LTBP2: variants seen among roughly 807,000 people sequenced by gnomAD.
LTBP2 encodes latent transforming growth factor beta binding protein 2.
Under a neutral mutation model 210.6 loss-of-function variants are expected in LTBP2, and 103 were observed. That is an observed-to-expected ratio of 0.49 (90% CI 0.42 to 0.58). The LOEUF is 0.58. Ranked by LOEUF, LTBP2 falls within the 20% of genes least tolerant of loss-of-function variation. The probability of loss-of-function intolerance (pLI) is 0.00; values close to 1 mark genes in which losing one functional copy is unlikely to be tolerated. For missense variants in LTBP2, 2,313 were observed against 2,494.5 expected (o/e 0.93, Z 1.55); for synonymous variants, 1,007 against 1,015.0 (o/e 0.99, Z 0.15).
intron 16 of LTBP2, among the ~76,000 whole-genome samples, chr14:74,522,419 G>A (rs532425747): frequency 3.9e-5 from 6 of 152,202 alleles, no homozygotes; most frequent in South Asian, 2.1e-4. Flanking sequence ...CTCCCCCTAC[G>A]GATGACCCTG....
chr14:74,543,377 C>CA (rs71119305), intron 8 of LTBP2, among the ~76,000 whole-genome samples: 77,035 of 96,610 alleles, frequency 0.8, 32,021 homozygotes, highest in Non-Finnish European at 0.9. Context: ...GACTCCGTCT[C>CA]AAAAAAAAAA....
At chr14:74,527,411 G>A (rs2087287752) in intron 12 of LTBP2, 45 bp from the exon 13 acceptor site, 3 of 1,593,764 alleles carry the variant, frequency 1.9e-6, no homozygotes, top group African/African-American at 2.7e-5. Flanking sequence ...GGAGGGTCTG[G>A]CTGCCTTCTC....
intron 2 of LTBP2, among the ~76,000 whole-genome samples, chr14:74,598,979 G>A (rs375015155): frequency 6.6e-6 from 1 of 152,098 alleles, no homozygotes; most frequent in African/African-American, 2.4e-5. Flanking sequence ...TTGTAAATGG[G>A]GATAAAAAAT....
chr14:74,521,371 C>G (rs1469511102), intron 17 of LTBP2, among the ~76,000 whole-genome samples: 3 of 152,188 alleles, frequency 2.0e-5, no homozygotes, highest in Non-Finnish European at 4.4e-5. Context: ...TGTTTTGCAT[C>G]ATTAAAGGGT....
rs767338591 is a variant in LTBP2, at chr14:74,555,638, G to A, written c.886C>T (p.Arg296Cys). The change falls in exon 4 of 36, where the codon CGC becomes TGC. Residue 296 changes from arginine to cysteine, a missense_variant. Physicochemically the swap from Arg to Cys is radical, Grantham distance 180. Coordinates refer to ENST00000261978, the MANE Select transcript of LTBP2 (RefSeq NM_000428.3). ...GCAGTCGGGTGAAGTCGGACAGTGC[G>A]GGACAACCCCACGTGCTGCTGGGAA... ...HPSQQHVGLSRTVRLHPTATA... is the reference protein window; with the variant it reads ...HPSQQHVGLSCTVRLHPTATA... 5.6e-6 allele frequency: 9 copies of A among 1,595,230 alleles called. No individual in the cohort carries two copies. The highest frequency in any genetic ancestry group is 5.1e-5 in the Admixed American group (3 of 58,680).
At chr14:74,540,561 C>A (rs1291243027) in intron 8 of LTBP2, among the ~76,000 whole-genome samples, 1 of 150,588 alleles carries the variant, frequency 6.6e-6, no homozygotes, top group East Asian at 2.0e-4. Flanking sequence ...GTCAGGAGAT[C>A]GAGACCATCC....
intron 17 of LTBP2, among the ~76,000 whole-genome samples, chr14:74,518,401 C>A (rs1037867354): frequency 6.6e-6 from 1 of 152,150 alleles, no homozygotes; most frequent in Non-Finnish European, 1.5e-5. Flanking sequence ...GCCGCCCGCA[C>A]CTCTCCTACC....
In LTBP2 at chr14:74,503,539, G is replaced by T. The variant is rs370997941; in HGVS notation, c.4650C>A (p.His1550Gln). 4 of 1,613,732 alleles carry T rather than the reference G, an allele frequency of 2.5e-6. No individual in the cohort carries two copies. The highest frequency in any genetic ancestry group is 2.7e-5 in the African/African-American group (2 of 74,942). Residue 1550 changes from histidine to glutamine, a missense_variant, in exon 32 of 36, where the codon CAC becomes CAA. Coordinates refer to ENST00000261978, the MANE Select transcript of LTBP2 (RefSeq NM_000428.3). ...GECVNTEGSF[H>Q]CFCSPPLTLD... is the part of the protein sequence containing the mutation. ...GGGTGAGCGGGGGGCTGCAGAAGCAGTGGAAGGAGCCCTCCGTGTTGACGC... is the reference window on the plus strand; with the variant it reads ...GGGTGAGCGGGGGGCTGCAGAAGCATTGGAAGGAGCCCTCCGTGTTGACGC...
Position 74,568,929 on chromosome 14 carries a change from G to T in LTBP2, c.831-13236C>A, listed in dbSNP as rs574634076. 1.1e-3 allele frequency among the ~76,000 whole-genome samples: 175 copies of T among 152,226 alleles called. 1 individual carries two copies. Among genetic ancestry groups the T allele is most frequent in the Non-Finnish European group, 1.5e-3 (101 of 68,010 alleles). On this transcript the variant is annotated intron_variant, in intron 3 of 35. Coordinates refer to ENST00000261978, the MANE Select transcript of LTBP2 (RefSeq NM_000428.3). ...AGTGTTTTCACCAGAAAGTAACAAG[G>T]TTAAAAATAGTCATGGAAAACTCCC...
At position 74,505,079 on chromosome 14, in the gene LTBP2, T is replaced by C. The variant is rs376247274; in HGVS notation, c.4273A>G (p.Ser1425Gly). 9.9e-6 allele frequency: 16 copies of C among 1,614,030 alleles called. No individual in the cohort carries two copies. The African/African-American group carries it at 1.6e-4, about 16-fold the overall frequency. The change falls in exon 29 of 36, where the codon AGT becomes GGT. Residue 1425 changes from serine to glycine, a missense_variant. By Grantham distance (56) the Ser-to-Gly change is moderately conservative (BLOSUM62 0). This residue lies in a region of LTBP2 where 1,867 missense variants were observed against 1,976.9 expected (regional missense o/e 0.94). Coordinates refer to ENST00000261978, the MANE Select transcript of LTBP2 (RefSeq NM_000428.3). ...TGTGTGGTGTTCCGGCCCAGGACAC[T>C]GGAGCAGGGCGCATGGCCCTTCTGC... ...SGQKGHAPCS[S>G]VLGRNTTQAE...
In LTBP2 at chr14:74,527,441, G is replaced by A. The variant is rs1015656310; in HGVS notation, c.2369-75C>T. 4.2e-5 allele frequency: 65 copies of A among 1,535,956 alleles called. 2 individuals carry two copies. The South Asian group carries it at 5.7e-4, about 13-fold the overall frequency. On this transcript the variant is annotated intron_variant, in intron 12 of 35. Coordinates refer to ENST00000261978, the MANE Select transcript of LTBP2 (RefSeq NM_000428.3). ...CTTCTCCCCTCACCGCCACCTGGGC[G>A]GCTTCACAGTCTGCGCCCCAGACCA...
At chr14:74,542,658 A>C (rs938279364) in intron 8 of LTBP2, among the ~76,000 whole-genome samples, 1 of 151,124 alleles carries the variant, frequency 6.6e-6, no homozygotes, top group Admixed American at 6.6e-5. Flanking sequence ...AGAAAATTCT[A>C]CTCCCCCAGT....
In LTBP2 at chr14:74,500,795, G is replaced by A. The variant is rs1468950020; in HGVS notation, c.*89C>T. On this transcript the variant is annotated 3_prime_UTR_variant, in exon 36 of 36. Coordinates refer to ENST00000261978, the MANE Select transcript of LTBP2 (RefSeq NM_000428.3). ...TTGGAAACCTCTGGCCTGATGTCAC[G>A]GTGTCTTCCCAGCTAGGAAATCATC... 1.1e-4 allele frequency: 170 copies of A among 1,550,780 alleles called. No individual in the cohort carries two copies. The highest frequency in any genetic ancestry group is 2.3e-4 in the Middle Eastern group (1 of 4,408).
chr14:74,602,187 G>A (rs796504405), intron 2 of LTBP2, among the ~76,000 whole-genome samples: 10 of 152,334 alleles, frequency 6.6e-5, no homozygotes, highest in Admixed American at 2.6e-4. Flanking sequence ...GGTCCAGCCC[G>A]AGCTCAGCAC....
chr14:74,600,416 C>T (rs2088429972), intron 2 of LTBP2, among the ~76,000 whole-genome samples: 1 of 152,138 alleles, frequency 6.6e-6, no homozygotes, highest in African/African-American at 2.4e-5. Context: ...CATCCTACCT[C>T]AGCATCCTGG....
intron 2 of LTBP2, among the ~76,000 whole-genome samples, chr14:74,602,961 C>T (rs558747859): frequency 5.9e-5 from 9 of 152,188 alleles, no homozygotes; most frequent in South Asian, 2.1e-4. Flanking sequence ...ATGTGGGATG[C>T]GGAGGCTCTG....
chr14:74,554,049 G>A lies in LTBP2; in HGVS notation c.1022-987C>T, dbSNP rs74694665. On this transcript the variant is annotated intron_variant, in intron 4 of 35. Transcript: ENST00000261978. ...GAGGGTGAAGATACAGAAGAGGGGG[G>A]ACAAGTGATGCCAGCGTTCCAGAGG... 2.0e-5 allele frequency among the ~76,000 whole-genome samples: 3 copies of A among 151,626 alleles called. No homozygotes were observed. In the East Asian group the frequency reaches 5.8e-4, roughly 29 times the overall value.
intron 1 of LTBP2, among the ~76,000 whole-genome samples, chr14:74,607,357 G>A (rs7141062): frequency 0.097 from 14,737 of 152,146 alleles, 1,303 homozygotes; most frequent in African/African-American, 0.22. Flanking sequence ...TTTTCCTACA[G>A]TTATCTTCTC....
Position 74,555,607 on chromosome 14 carries a change from G to A in LTBP2, c.917C>T (p.Ala306Val). ...GGCGTTGGAAGAGAGCTGGCTACTG[G>A]CCGTGGCAGTCGGGTGAAGTCGGAC... The part of the protein sequence containing the change: ...RTVRLHPTAT[A>V]SSQLSSNALP... The change falls in exon 4 of 36, where the codon GCC becomes GTC. Residue 306 changes from alanine to valine, a missense_variant. This residue lies in a region of LTBP2 where 1,867 missense variants were observed against 1,976.9 expected (regional missense o/e 0.94). Coordinates refer to ENST00000261978, the MANE Select transcript of LTBP2 (RefSeq NM_000428.3). The A allele has an allele frequency of 6.2e-7, 1 of 1,610,630 alleles. No individual in the cohort carries two copies. Among genetic ancestry groups the A allele is most frequent in the Non-Finnish European group, 8.5e-7 (1 of 1,177,762 alleles).
Sources: allele counts gnomAD v4.1 joint callset (sites outside exome capture counted in the v4.1 genomes callset), GRCh38; gene constraint gnomAD v4.1.1; regional missense constraint gnomAD v4.1.1; transcripts MANE v1.5; gene names NCBI Gene and HGNC (gene_info 2026-07-23, HGNC 2026-07-21).